The following BAP1 variants were observed in gnomAD, a reference collection of about 807,000 sequenced individuals.
The protein encoded by BAP1 is BRCA1 associated deubiquitinase 1.
In BAP1, 16 loss-of-function variants were observed where a neutral mutation model predicts 77.2. That is an observed-to-expected ratio of 0.21 (90% CI 0.14 to 0.31). The LOEUF (loss-of-function observed/expected upper bound fraction) is 0.31, where lower values mean the gene tolerates loss of function less well. Ranked by LOEUF, BAP1 falls within the 10% of genes least tolerant of loss-of-function variation. The pLI is 1.00. For missense variants in BAP1, 699 were observed against 967.3 expected, an observed-to-expected ratio of 0.72 and a Z score of 3.68; for synonymous variants, 362 against 385.2, an observed-to-expected ratio of 0.94 and a Z score of 0.71.
At chr3:52,409,382 AAAG>A (rs1705282192) in intron 3 of BAP1, among the ~76,000 whole-genome samples, 169 bp downstream of exon 3, 1 of 152,220 alleles carries the variant, frequency 6.6e-6, no homozygotes, top group Non-Finnish European at 1.5e-5. Flanking sequence ...GTTTGGGAGA[AAAG>A]AAAGTATCAG....
At chr3:52,407,134 G>A (rs760758965) in intron 7 of BAP1, 40 bp downstream of exon 7, 27 of 1,612,338 alleles carry the variant, frequency 1.7e-5, no homozygotes, top group Admixed American at 1.2e-4. Flanking sequence ...CTAGGAGGTA[G>A]GCAGAGACAC....
intron 2 of BAP1, 49 bp downstream of exon 2, chr3:52,409,665 A>C (rs1553646335): frequency 4.3e-6 from 7 of 1,613,908 alleles, no homozygotes; most frequent in South Asian, 1.1e-5. Flanking sequence ...GTGAGGGCGC[A>C]GGGGTGGGCC....
Position 52,409,814 on chromosome 3 carries a change from C to T in BAP1, c.37+28G>A, listed in dbSNP as rs368881929. On this transcript the variant is annotated intron_variant, in intron 1 of 16. Coordinates refer to ENST00000460680, the MANE Select transcript of BAP1 (RefSeq NM_004656.4). ...TCCCGGGCCCATCCGGCCTCCCCAG[C>T]CCCTGGCCCTCCCGGTCCCCTCCTC... 312 of 1,612,888 alleles carry T rather than the reference C, an allele frequency of 1.9e-4. No individual in the cohort carries two copies. Among genetic ancestry groups the T allele is most frequent in the Non-Finnish European group, 2.5e-4 (290 of 1,179,948 alleles).
chr3:52,405,065 CAA>C (rs1027483412), intron 11 of BAP1, 43 bp downstream of exon 11: 3 of 1,611,256 alleles, frequency 1.9e-6, no homozygotes. Flanking sequence ...TGCAGCCTCT[CAA>C]GAGAATCAAG....
rs2153226702 is a variant in BAP1 at position 52,403,668 on chromosome 3, T to C, written c.1477A>G (p.Thr493Ala). 1 of 1,613,880 alleles carries C rather than the reference T, an allele frequency of 6.2e-7. No individual in the cohort carries two copies. The highest frequency in any genetic ancestry group is 2.2e-5 in the East Asian group (1 of 44,880). The change falls in exon 13 of 17, where the codon ACA becomes GCA. Residue 493 changes from threonine (T) to alanine (A), a missense_variant. Around this residue, in one of 3 missense-constraint regions of BAP1, gnomAD observed 475 missense variants for 532.4 expected, o/e 0.89. Transcript: ENST00000460680. This position sits in a 1 kb window ranked among gnomAD's most constrained non-coding sequence, Gnocchi z 4.0. ...CTGCCGATCTCAGAGGCCGTGTCTG[T>C]ACTCTCATTGCTGGGGGTGGGTGAG... ...QPSPTPSNESTDTASEIGSAF... is the reference protein window; with the variant it reads ...QPSPTPSNESADTASEIGSAF...
intron 10 of BAP1, 198 bp from the exon 11 acceptor site, chr3:52,405,492 G>GAAAAAAAAAAAAAAAAA (rs71084182): frequency 1.6e-3 from 133 of 81,284 alleles, no homozygotes; most frequent in South Asian, 3.7e-3. Context: ...GAAGCAGGAA[G>GAAAAAAAAAAAAAAAAA]AAAAAAAAAA....
chr3:52,405,437 CATGATCCCGCA>C, intron 10 of BAP1, 143 bp from the exon 11 acceptor site: 2 of 618,974 alleles, frequency 3.2e-6, no homozygotes, highest in Middle Eastern at 1.2e-3. Context: ...AGCTCTAAGT[CATGATCCCGCA>C]ATGAGACAGG....
At position 52,406,974 on chromosome 3, in the gene BAP1, A is replaced by G. The variant is rs2153227702; in HGVS notation, c.581-67T>C. Reference sequence around the variant, plus strand: ...TGAGTTTGGGCAGGCCAGGAGTGGGAAGGAAGACAGAGAAGAGCAGTTGAG... The same window carrying G: ...TGAGTTTGGGCAGGCCAGGAGTGGGGAGGAAGACAGAGAAGAGCAGTTGAG... On this transcript the variant is annotated intron_variant, in intron 7 of 16. Transcript: ENST00000460680. This position sits in a 1 kb window ranked among gnomAD's most constrained non-coding sequence, Gnocchi z 4.6. 6.6e-7 allele frequency: 1 copy of G among 1,525,886 alleles called. No homozygotes were observed. Among genetic ancestry groups the G allele is most frequent in the Non-Finnish European group, 8.9e-7 (1 of 1,122,518 alleles). 94.5% of individuals were successfully genotyped at this position (1,525,886 alleles called of 1,614,324 possible).
At chr3:52,404,140 G>A (rs1705069822) in intron 12 of BAP1, among the ~76,000 whole-genome samples, 1 of 152,178 alleles carries the variant, frequency 6.6e-6, no homozygotes, top group African/African-American at 2.4e-5. Context: ...CCAATGCCCT[G>A]TGTTCCAGCA....
rs140998455 is a variant in BAP1 at position 52,404,491 on chromosome 3, G to A, written c.1212C>T (p.Asp404=). 4.3e-6 allele frequency: 7 copies of A among 1,614,128 alleles called. No homozygotes were observed. Among genetic ancestry groups the A allele is most frequent in the African/African-American group, 2.7e-5 (2 of 75,062 alleles). The change falls in exon 12 of 17, where the codon GAC becomes GAT. Residue 404 remains aspartate (D), a synonymous_variant. Transcript: ENST00000460680. ...TGGTGTTCTGCACGTCATCCTCCTC[G>A]TCATCCTCATAGTCATCCTCATCAT... ...YSDDEDDYED[D]EEDDVQNTNS...
chr3:52,406,668 G>T lies in BAP1; in HGVS notation c.659+161C>A, dbSNP rs1011657624. ...CCAGGAGCAGGCCACAGGCAGCCCA[G>T]GCAGGAAATAAGACAACAAGTTGAG... On this transcript the variant is annotated intron_variant, in intron 8 of 16. Coordinates refer to ENST00000460680, the MANE Select transcript of BAP1 (RefSeq NM_004656.4). The surrounding 1 kb of genome is among the most constrained non-coding windows in gnomAD (Gnocchi z 4.6). 2.0e-6 allele frequency: 2 copies of T among 978,664 alleles called. No individual in the cohort carries two copies. The highest frequency in any genetic ancestry group is 2.1e-5 in the Admixed American group (1 of 47,922). 60.6% of individuals were successfully genotyped at this position (978,664 alleles called of 1,614,324 possible). A position where few individuals can be genotyped will look rare whatever the true frequency, so the allele number is the denominator to read the frequency against.
At position 52,402,608 on chromosome 3, in the gene BAP1, G is replaced by C. The variant is rs387906848; in HGVS notation, c.2050C>G (p.Gln684Glu). The change falls in exon 16 of 17, where the codon CAG (glutamine) becomes GAG (glutamate). Residue 684 changes from glutamine (Q) to glutamate (E), a missense_variant. Gln to Glu is a conservative substitution (Grantham distance 29). Coordinates refer to ENST00000460680, the MANE Select transcript of BAP1 (RefSeq NM_004656.4). The surrounding 1 kb of genome is among the most constrained non-coding windows in gnomAD (Gnocchi z 5.3). ...FICTFISMLA[Q>E]EGMLANLVEQ... ...CAGCAGCGCATCCCCTCACCTTCCTGAGCCAGCATGGAGATAAAGGTGCAG... is the reference window on the plus strand; with the variant it reads ...CAGCAGCGCATCCCCTCACCTTCCTCAGCCAGCATGGAGATAAAGGTGCAG... The C allele has an allele frequency of 6.2e-7, 1 of 1,614,154 alleles. No homozygotes were observed. Among genetic ancestry groups the C allele is most frequent in the African/African-American group, 1.3e-5 (1 of 75,060 alleles).
Position 52,406,412 on chromosome 3 carries a change from G to A in BAP1, c.660-36C>T, listed in dbSNP as rs762654093. ...AGCCGCAGCCGTGAGAGCAGCTCCC[G>A]CCCCGGCCCCGCCATCAGGTTGAGG... On this transcript the variant is annotated intron_variant, in intron 8 of 16. Transcript: ENST00000460680. This position sits in a 1 kb window ranked among gnomAD's most constrained non-coding sequence, Gnocchi z 4.6. 6.8e-6 allele frequency: 11 copies of A among 1,609,608 alleles called. No individual in the cohort carries two copies. Among genetic ancestry groups the A allele is most frequent in the Admixed American group, 1.7e-5 (1 of 59,938 alleles).
rs761183483 is a variant in BAP1, at chr3:52,403,865, C to A, written c.1280G>T (p.Gly427Val). 2.5e-6 allele frequency: 4 copies of A among 1,614,066 alleles called. No individual in the cohort carries two copies. The highest frequency in any genetic ancestry group is 3.4e-6 in the Non-Finnish European group (4 of 1,180,022). The stretch of plus-strand genomic sequence containing the variant: ...CCCATCAGCAGAACCGCTCAATGCC[C>A]CTGGCTTCCCTGTTCCCTTCCCCTT... ...RYKGKGTGKP[G>V]ALSGSADGQL... Residue 427 changes from glycine (G) to valine (V), a missense_variant, in exon 13 of 17, where the codon GGG becomes GTG. Around this residue, in one of 3 missense-constraint regions of BAP1, gnomAD observed 475 missense variants for 532.4 expected, o/e 0.89. Transcript: ENST00000460680. The surrounding 1 kb of genome is among the most constrained non-coding windows in gnomAD (Gnocchi z 4.0).
Position 52,403,881 on chromosome 3 carries a change from C to T in BAP1, c.1264G>A (p.Gly422Arg). ...TNSALRYKGK[G>R]TGKPGALSGS... ...CTCAATGCCCCTGGCTTCCCTGTTC[C>T]CTTCCCCTTATACCTGTGGGGCCCG... The change falls in exon 13 of 17, where the codon GGA (glycine) becomes AGA (arginine). Residue 422 changes from glycine (G) to arginine (R), a missense_variant. Physicochemically the swap from Gly to Arg is moderately radical, Grantham distance 125. Around this residue, in one of 3 missense-constraint regions of BAP1, gnomAD observed 475 missense variants for 532.4 expected, o/e 0.89. Coordinates refer to ENST00000460680, the MANE Select transcript of BAP1 (RefSeq NM_004656.4). This position sits in a 1 kb window ranked among gnomAD's most constrained non-coding sequence, Gnocchi z 4.0. 6.2e-7 allele frequency: 1 copy of T among 1,614,070 alleles called. No homozygotes were observed. Among genetic ancestry groups the T allele is most frequent in the Non-Finnish European group, 8.5e-7 (1 of 1,180,022 alleles).
Position 52,403,900 on chromosome 3 carries a change from G to T in BAP1, c.1251-6C>A, listed in dbSNP as rs1249050822. ...CTGTTCCCTTCCCCTTATACCTGTG[G>T]GGCCCGAGAAGATGTGAAGCAAGGG... On this transcript the variant is annotated splice_polypyrimidine_tract_variant and splice_region_variant and intron_variant, in intron 12 of 16. Transcript: ENST00000460680. The surrounding 1 kb of genome is among the most constrained non-coding windows in gnomAD (Gnocchi z 4.0). 5 of 1,613,648 alleles carry T rather than the reference G, an allele frequency of 3.1e-6. No homozygotes were observed. Among genetic ancestry groups the T allele is most frequent in the Non-Finnish European group, 4.2e-6 (5 of 1,179,960 alleles).
At position 52,406,750 on chromosome 3, in the gene BAP1, A is replaced by C. The variant is rs1705170654; in HGVS notation, c.659+79T>G. On this transcript the variant is annotated intron_variant, in intron 8 of 16. Coordinates refer to ENST00000460680, the MANE Select transcript of BAP1 (RefSeq NM_004656.4). This position sits in a 1 kb window ranked among gnomAD's most constrained non-coding sequence, Gnocchi z 4.6. ...TCACCATATGGCCTTGCAATTTACA[A>C]ATCACCTGGATACTCTCTGTCCCTC... The C allele has an allele frequency of 6.8e-7, 1 of 1,471,050 alleles. No homozygotes were observed. Among genetic ancestry groups the C allele is most frequent in the Non-Finnish European group, 9.3e-7 (1 of 1,074,366 alleles). The allele number at this position is 1,471,050 out of a possible 1,614,324, so 91.1% of individuals were successfully genotyped here.
Position 52,409,528 on chromosome 3 carries a change from G to A in BAP1, c.122+26C>T, listed in dbSNP as rs183732845. On this transcript the variant is annotated intron_variant, in intron 3 of 16. Coordinates refer to ENST00000460680, the MANE Select transcript of BAP1 (RefSeq NM_004656.4). ...CTTCCCCAGCACTCTGGGTGTAAGG[G>A]GCAGCCCTGGTGTACAGCCACTCAC... The A allele has an allele frequency of 2.5e-6, 4 of 1,614,052 alleles. No individual in the cohort carries two copies. In the Admixed American group the frequency reaches 6.7e-5, roughly 27 times the overall value.
In BAP1 at chr3:52,405,786, C is replaced by T. The variant is rs2153227217; in HGVS notation, c.910G>A (p.Ala304Thr). The T allele has an allele frequency of 6.2e-7, 1 of 1,613,488 alleles. No homozygotes were observed. The highest frequency in any genetic ancestry group is 8.5e-7 in the Non-Finnish European group (1 of 1,180,036). The change falls in exon 10 of 17, where the codon GCC (alanine) becomes ACC (threonine). Residue 304 changes from alanine (A) to threonine (T), a missense_variant. This residue lies in a region of BAP1 where 475 missense variants were observed against 532.4 expected (regional missense o/e 0.89). Transcript: ENST00000460680. ...LVLEANRAPA[A>T]SEGNHTDGAE... is the part of the protein sequence containing the mutation. ...GTACCTGTGTGGTTGCCCTCAGAGG[C>T]TGCAGGGGCCCTGTTTGCTTCCAGC... is the stretch of plus-strand genomic sequence containing the variant.
Sources: allele counts gnomAD v4.1 joint callset (sites outside exome capture counted in the v4.1 genomes callset), GRCh38; gene constraint gnomAD v4.1.1; regional missense constraint gnomAD v4.1.1; non-coding constraint Gnocchi (gnomAD v3.1); transcripts MANE v1.5; gene names NCBI Gene and HGNC (gene_info 2026-07-23, HGNC 2026-07-21).